Variants in SCIN observed in about 807,000 individuals in gnomAD.
SCIN encodes the protein scinderin.
A neutral mutation model predicts 91.8 loss-of-function variants in SCIN; 91 were observed. The observed-to-expected ratio is 0.99, with a 90% CI of 0.84 to 1.18. The LOEUF (loss-of-function observed/expected upper bound fraction) is 1.18. Ranked by LOEUF, SCIN falls within the 50% of genes most tolerant of loss-of-function variation. The pLI, the probability that SCIN is intolerant of heterozygous loss-of-function variation, is 0.00. For missense variants in SCIN, 1,087 were observed against 863.9 expected, an observed-to-expected ratio of 1.26 and a Z score of -3.24; for synonymous variants, 367 against 312.6, an observed-to-expected ratio of 1.17 and a Z score of -1.84.
intron 1 of SCIN, chr7:12,571,278 C>T (rs2240573): frequency 0.06 from 27,094 of 447,910 alleles, 1,200 homozygotes; most frequent in South Asian, 0.15. Flanking sequence ...TCCCCTTTCA[C>T]CGTCAAGTAT....
chr7:12,626,515 C>T, intron 7 of SCIN, 69 bp from the exon 8 acceptor site: 1 of 1,196,640 alleles, frequency 8.4e-7, no homozygotes, highest in Non-Finnish European at 1.2e-6. Flanking sequence ...TTTGTCTCCA[C>T]TGCCAGATTC....
At chr7:12,578,239 C>G in intron 2 of SCIN, 21 bp downstream of exon 2, 1 of 1,536,994 alleles carries the variant, frequency 6.5e-7, no homozygotes, top group Non-Finnish European at 8.8e-7. Flanking sequence ...CCCTCAGTTT[C>G]CATTATGAAT....
chr7:12,607,540 T>C (rs1459944336), intron 4 of SCIN, among the ~76,000 whole-genome samples: 3 of 152,246 alleles, frequency 2.0e-5, no homozygotes, highest in African/African-American at 7.2e-5. Flanking sequence ...TAAAGAGATA[T>C]AATGCTTAAG....
At chr7:12,617,542 A>G (rs1783324296) in intron 4 of SCIN, among the ~76,000 whole-genome samples, 1 of 152,114 alleles carries the variant, frequency 6.6e-6, no homozygotes, top group Admixed American at 6.6e-5. Flanking sequence ...AAGGCAAATG[A>G]CCTGAAATCT....
chr7:12,643,031 A>G (rs540252890), intron 11 of SCIN, among the ~76,000 whole-genome samples: 7 of 152,286 alleles, frequency 4.6e-5, no homozygotes, highest in African/African-American at 1.4e-4. Flanking sequence ...TTAAGCATAC[A>G]TTATCTACGG....
chr7:12,649,707 T>G (rs1341157690), intron 14 of SCIN, among the ~76,000 whole-genome samples, 163 bp downstream of exon 14: 1 of 152,210 alleles, frequency 6.6e-6, no homozygotes, highest in Non-Finnish European at 1.5e-5. Context: ...CTAACACATA[T>G]GGCAAGTTGA....
At chr7:12,581,893 C>T (rs1268065589) in intron 3 of SCIN, among the ~76,000 whole-genome samples, 11 of 152,152 alleles carry the variant, frequency 7.2e-5, no homozygotes, top group Admixed American at 6.5e-4. Context: ...GTCTTTAAAA[C>T]TTTGTGAAGT....
chr7:12,625,730 G>T, intron 6 of SCIN, 32 bp from the exon 7 acceptor site: 1 of 1,406,118 alleles, frequency 7.1e-7, no homozygotes, highest in Non-Finnish European at 1.0e-6. Context: ...CTTCTCTGAA[G>T]TTCTTTCTCT....
intron 5 of SCIN, among the ~76,000 whole-genome samples, chr7:12,623,374 C>T (rs945257981): frequency 6.6e-6 from 1 of 152,116 alleles, no homozygotes; most frequent in Admixed American, 6.6e-5. Flanking sequence ...AGTTCTGTTC[C>T]AGGCATTAAC....
At chr7:12,636,677 CAG>C (rs1256882770) in intron 10 of SCIN, among the ~76,000 whole-genome samples, 1 of 152,148 alleles carries the variant, frequency 6.6e-6, no homozygotes, top group Non-Finnish European at 1.5e-5. Context: ...AGAAGCCAGA[CAG>C]AGTCAGAGGG....
intron 3 of SCIN, among the ~76,000 whole-genome samples, chr7:12,592,213 G>A (rs1422224373): frequency 6.6e-6 from 1 of 152,080 alleles, no homozygotes; most frequent in East Asian, 1.9e-4. Flanking sequence ...TGTAGAGGGT[G>A]GTGTTGGTAG....
intron 2 of SCIN, 119 bp from the exon 3 acceptor site, chr7:12,580,941 C>A: frequency 2.0e-6 from 2 of 1,002,876 alleles, no homozygotes; most frequent in Non-Finnish European, 1.4e-6. Flanking sequence ...TTAACTTGGC[C>A]TGACAGGTAC....
At chr7:12,626,449 A>G (rs978637082) in intron 7 of SCIN, 135 bp from the exon 8 acceptor site, 28 of 688,886 alleles carry the variant, frequency 4.1e-5, no homozygotes, top group Admixed American at 9.4e-5. Context: ...AGAAAAAGCA[A>G]TTTTGGATTA....
At chr7:12,628,357 C>T (rs929528034) in intron 8 of SCIN, among the ~76,000 whole-genome samples, 1 of 152,152 alleles carries the variant, frequency 6.6e-6, no homozygotes, top group South Asian at 2.1e-4. Flanking sequence ...ACATGTATTT[C>T]TCACCAGTCT....
chr7:12,596,351 C>T (rs1261153139), intron 3 of SCIN: 6 of 456,048 alleles, frequency 1.3e-5, no homozygotes, highest in Non-Finnish European at 2.2e-5. Context: ...CTGACGTCTG[C>T]GTTTAATTAA....
At chr7:12,649,407 C>T in intron 13 of SCIN, 60 bp from the exon 14 acceptor site, 1 of 1,079,812 alleles carries the variant, frequency 9.3e-7, no homozygotes, top group South Asian at 1.6e-5. Flanking sequence ...CATTTCTATC[C>T]TATGTATTAG....
chr7:12,621,875 A>G (rs1431801289), intron 4 of SCIN, among the ~76,000 whole-genome samples: 2 of 151,798 alleles, frequency 1.3e-5, no homozygotes, highest in Non-Finnish European at 2.9e-5. Flanking sequence ...TGCAGTACAC[A>G]TTTTTATGCA....
At chr7:12,623,739 G>A (rs1327289154) in intron 5 of SCIN, among the ~76,000 whole-genome samples, 1 of 152,038 alleles carries the variant, frequency 6.6e-6, no homozygotes, top group Non-Finnish European at 1.5e-5. Flanking sequence ...GGGATTTTTG[G>A]CTCCGAAACT....
At chr7:12,614,840 A>G (rs1041525230) in intron 4 of SCIN, among the ~76,000 whole-genome samples, 1 of 152,214 alleles carries the variant, frequency 6.6e-6, no homozygotes, top group African/African-American at 2.4e-5. Context: ...AGACAGCTCC[A>G]TGGCCAAATA....
Sources: allele counts gnomAD v4.1 joint callset (sites outside exome capture counted in the v4.1 genomes callset), GRCh38; gene constraint gnomAD v4.1.1; transcripts MANE v1.5; gene names NCBI Gene and HGNC (gene_info 2026-07-23, HGNC 2026-07-21).